IL6R: variants seen among roughly 807,000 people sequenced by gnomAD.
The protein encoded by IL6R is interleukin-6 receptor subunit alpha.
In IL6R, 38 loss-of-function variants were observed where a neutral mutation model predicts 48.3. That is an observed-to-expected ratio of 0.79 (90% CI 0.61 to 1.03). The LOEUF is 1.03. Among genes scored for constraint, IL6R ranks in the 50% least tolerant of loss-of-function variants. The probability of loss-of-function intolerance (pLI) is 0.00; values close to 1 mark genes in which losing one functional copy is unlikely to be tolerated. For synonymous variants in IL6R, 264 were observed against 256.2 expected (o/e 1.03, Z -0.29); for missense variants, 534 against 618.3 (o/e 0.86, Z 1.45).
chr1:154,411,359 C>T (rs991779431), intron 1 of IL6R, among the ~76,000 whole-genome samples: 4 of 152,000 alleles, frequency 2.6e-5, no homozygotes, highest in African/African-American at 7.3e-5. Context: ...CGCGCCTGGC[C>T]GCAACGAGAC....
At chr1:154,445,221 TC>T (rs1317144319) in intron 6 of IL6R, 2 of 399,232 alleles carry the variant, frequency 5.0e-6, no homozygotes, top group Non-Finnish European at 1.0e-5. Flanking sequence ...TGAAGTAGGG[TC>T]CCCTTGCTCA....
intron 9 of IL6R, among the ~76,000 whole-genome samples, chr1:154,461,848 G>GGT (rs1691282095): frequency 6.6e-6 from 1 of 152,094 alleles, no homozygotes; most frequent in African/African-American, 2.4e-5. Context: ...CTGGTTGCAG[G>GGT]GTGTAGGGTG....
At chr1:154,461,768 C>G (rs1691276383) in intron 9 of IL6R, among the ~76,000 whole-genome samples, 1 of 152,122 alleles carries the variant, frequency 6.6e-6, no homozygotes, top group South Asian at 2.1e-4. Flanking sequence ...ACCTCAAATC[C>G]ATCTCCCCAA....
intron 9 of IL6R, among the ~76,000 whole-genome samples, chr1:154,460,049 G>A (rs964360414): frequency 1.3e-5 from 2 of 152,198 alleles, no homozygotes; most frequent in African/African-American, 2.4e-5. Context: ...TGGGGTAAAA[G>A]GGGTGGCAAC....
Position 154,465,120 on chromosome 1 carries a change from G to C in IL6R, c.1161-14G>C. ...AAAAATCTGTGTGGTTTGTCTTTGT[G>C]TGTTTGTGTGAAGGTTCAAGAAGAC... is the stretch of plus-strand genomic sequence containing the variant. On this transcript the variant is annotated splice_polypyrimidine_tract_variant and intron_variant, in intron 9 of 9. Transcript: ENST00000368485. 1 of 1,614,124 alleles carries C rather than the reference G, an allele frequency of 6.2e-7. No individual in the cohort carries two copies. The highest frequency in any genetic ancestry group is 2.2e-5 in the East Asian group (1 of 44,878).
In IL6R at chr1:154,467,949, G is replaced by A. The variant is rs959722500; in HGVS notation, c.*2569G>A. On this transcript the variant is annotated 3_prime_UTR_variant, in exon 10 of 10. Coordinates refer to ENST00000368485, the MANE Select transcript of IL6R (RefSeq NM_000565.4). ...ACCCACATGTGGTGTTACCAAAGCC[G>A]GGCAGAACCATGCTAGCGGAAGATG... 4 of 152,240 alleles carry A rather than the reference G, an allele frequency of 2.6e-5. No homozygotes were observed. The highest frequency in any genetic ancestry group is 5.9e-5 in the Non-Finnish European group (4 of 68,020). The allele number at this position is 152,240 out of a possible 1,614,324, so 9.4% of individuals were successfully genotyped here.
chr1:154,430,490 C>CGAGGAGCCCCAGCTCTCCTGCTTCCG lies in IL6R; in HGVS notation c.345_370dup (p.Lys124ArgfsTer28). The CGAGGAGCCCCAGCTCTCCTGCTTCCG allele has an allele frequency of 6.2e-7, 1 of 1,613,616 alleles. No individual in the cohort carries two copies. Among genetic ancestry groups the CGAGGAGCCCCAGCTCTCCTGCTTCCG allele is most frequent in the South Asian group, 1.1e-5 (1 of 91,038 alleles). ...GCAATGCTTTCCTTTCAGTTCCCCC[C>CGAGGAGCCCCAGCTCTCCTGCTTCCG]GAGGAGCCCCAGCTCTCCTGCTTCC... On this transcript the variant is annotated frameshift_variant, in exon 3 of 10. Transcript: ENST00000368485. LOFTEE classifies it high-confidence loss of function.
intron 6 of IL6R, among the ~76,000 whole-genome samples, chr1:154,442,012 T>C (rs754589102): frequency 6.6e-6 from 1 of 152,156 alleles, no homozygotes; most frequent in Non-Finnish European, 1.5e-5. Flanking sequence ...GGATCAGCAA[T>C]TACAGGACAG....
chr1:154,428,179 A>G (rs1689079807), intron 1 of IL6R, among the ~76,000 whole-genome samples: 1 of 152,246 alleles, frequency 6.6e-6, no homozygotes, highest in African/African-American at 2.4e-5. Flanking sequence ...CTACTCAAAA[A>G]AAGTGTACTT....
chr1:154,444,944 C>G (rs949032732), intron 6 of IL6R: 13 of 410,198 alleles, frequency 3.2e-5, no homozygotes, highest in Non-Finnish European at 5.9e-5. Context: ...CACCCGCCCC[C>G]CCCAAATGAG....
chr1:154,410,708 A>G (rs1465843319), intron 1 of IL6R, among the ~76,000 whole-genome samples: 5 of 152,128 alleles, frequency 3.3e-5, no homozygotes, highest in African/African-American at 1.2e-4. Flanking sequence ...ACTCCTGCTC[A>G]TCCCTTGCCA....
intron 6 of IL6R, among the ~76,000 whole-genome samples, chr1:154,444,034 A>G (rs891543064): frequency 6.6e-6 from 1 of 151,980 alleles, no homozygotes; most frequent in African/African-American, 2.4e-5. Context: ...TCTAGCAGTC[A>G]GCCATTCTGT....
intron 1 of IL6R, chr1:154,414,576 C>T (rs1411612965): frequency 8.0e-6 from 6 of 750,742 alleles, no homozygotes; most frequent in Non-Finnish European, 1.4e-5. Context: ...AAGGGATTTT[C>T]TCATAGGCTT....
At chr1:154,417,178 A>G (rs1570929077) in intron 1 of IL6R, among the ~76,000 whole-genome samples, 1 of 152,302 alleles carries the variant, frequency 6.6e-6, no homozygotes, top group South Asian at 2.1e-4. Flanking sequence ...GTGCTCAGAG[A>G]TAGAAGACAA....
chr1:154,467,010 G>A lies in IL6R; in HGVS notation c.*1630G>A, dbSNP rs558449209. The A allele has an allele frequency of 6.6e-6, 1 of 152,644 alleles. No homozygotes were observed. Among genetic ancestry groups the A allele is most frequent in the South Asian group, 2.1e-4 (1 of 4,828 alleles). 9.5% of individuals were successfully genotyped at this position (152,644 alleles called of 1,614,324 possible). On this transcript the variant is annotated 3_prime_UTR_variant, in exon 10 of 10. Coordinates refer to ENST00000368485, the MANE Select transcript of IL6R (RefSeq NM_000565.4). ...TGTGACTACTCCCCCAGGTGGTTAT[G>A]GAGAGGGTGTCCGGTCCCTGTCCCA... is the stretch of plus-strand genomic sequence containing the variant.
At chr1:154,459,461 A>C (rs1691114607) in intron 9 of IL6R, among the ~76,000 whole-genome samples, 4 of 152,198 alleles carry the variant, frequency 2.6e-5, no homozygotes, top group Admixed American at 2.6e-4. Context: ...TAAACTTAGA[A>C]ATACTGTGGG....
In IL6R at chr1:154,466,556, G is replaced by A. The variant is rs1168064764; in HGVS notation, c.*1176G>A. ...CCCAAAACCAAGTCAAGTGAAAAAG[G>A]AGGAAGAGAAAAAATATTTTCCTGC... On this transcript the variant is annotated 3_prime_UTR_variant, in exon 10 of 10. Transcript: ENST00000368485. 6.6e-6 allele frequency: 1 copy of A among 152,348 alleles called. No homozygotes were observed. The highest frequency in any genetic ancestry group is 2.4e-5 in the African/African-American group (1 of 41,452). The allele number at this position is 152,348 out of a possible 1,614,324, so 9.4% of individuals were successfully genotyped here. A position where few individuals can be genotyped will look rare whatever the true frequency, so the allele number is the denominator to read the frequency against.
chr1:154,452,842 C>T, intron 8 of IL6R, among the ~76,000 whole-genome samples: 1 of 151,576 alleles, frequency 6.6e-6, no homozygotes, highest in Admixed American at 6.6e-5. Flanking sequence ...GTCTGTCTCC[C>T]TTGATTGGAT....
intron 8 of IL6R, among the ~76,000 whole-genome samples, chr1:154,451,628 G>A (rs1690585982): frequency 6.6e-6 from 1 of 151,888 alleles, no homozygotes; most frequent in Admixed American, 6.6e-5. Context: ...TTGAGACGGA[G>A]TCTCGTCAAG....
Sources: allele counts gnomAD v4.1 joint callset (sites outside exome capture counted in the v4.1 genomes callset), GRCh38; gene constraint gnomAD v4.1.1; transcripts MANE v1.5; gene names NCBI Gene and HGNC (gene_info 2026-07-23, HGNC 2026-07-21).